The following PIH1D2 variants were observed in gnomAD, a reference collection of about 807,000 sequenced individuals.
PIH1D2 encodes the protein PIH1 domain-containing protein 2.
PIH1D2 carries 25 observed loss-of-function variants against 31.2 expected under a neutral mutation model. That is an observed-to-expected ratio of 0.80 (90% confidence interval 0.58 to 1.12). The LOEUF is 1.12. PIH1D2 is among the 50% of genes most tolerant of loss of function. PIH1D2 has a pLI of 0.00. For missense variants in PIH1D2, 310 were observed against 356.6 expected, an observed-to-expected ratio of 0.87 and a Z score of 1.05; for synonymous variants, 116 against 119.9, an observed-to-expected ratio of 0.97 and a Z score of 0.21.
Position 112,071,757 on chromosome 11 carries a change from T to G in PIH1D2, c.179A>C (p.Lys60Thr). The change falls in exon 3 of 6, where the codon AAA becomes ACA. Residue 60 changes from lysine (K) to threonine (T), a missense_variant and splice_region_variant. Physicochemically the swap from Lys to Thr is moderately conservative, Grantham distance 78. Coordinates refer to ENST00000280350, the MANE Select transcript of PIH1D2 (RefSeq NM_138789.4). ...GATAAAAAGTATTTTTTCTTTTGGT[T>G]TCTGGAAAGCAAATAATTTTGCACA... ...PQLCLQTRIL[K>T]PKEKILFINL... 1.2e-6 allele frequency: 2 copies of G among 1,614,104 alleles called. No homozygotes were observed.
chr11:112,056,675 C>T, the PIH1D2 span, among the ~76,000 whole-genome samples: 2 of 152,108 alleles, frequency 1.3e-5, no homozygotes, highest in Admixed American at 1.3e-4. Context: ...TTTTATTTCT[C>T]TTCAGTAGAT....
At chr11:112,068,026 G>A (rs782311658) in intron 5 of PIH1D2, 21 bp from the exon 6 acceptor site, 1 of 1,484,580 alleles carries the variant, frequency 6.7e-7, no homozygotes, top group Admixed American at 1.9e-5. Flanking sequence ...TAAACCAAGA[G>A]ATTTATTTCC....
downstream of PIH1D2, among the ~76,000 whole-genome samples, chr11:112,066,675 T>C (rs1400950912): frequency 1.3e-5 from 2 of 151,794 alleles, no homozygotes; most frequent in African/African-American, 4.8e-5. Context: ...GCTGTTACTA[T>C]GTCATTGTAT....
chr11:112,066,856 A>G (rs1555183900), downstream of PIH1D2, among the ~76,000 whole-genome samples: 5 of 151,720 alleles, frequency 3.3e-5, no homozygotes, highest in Non-Finnish European at 7.4e-5. Context: ...TGAGGTCAGG[A>G]GTTCAAGACC....
Position 112,071,040 on chromosome 11 carries a change from C to A in PIH1D2, c.545G>T (p.Arg182Met). Residue 182 changes from arginine to methionine, a missense_variant and splice_region_variant, in exon 4 of 6, where the codon AGG (arginine) becomes ATG (methionine). Transcript: ENST00000280350. ...TCCATTTACAATCATCAACTTACCCCTTCTCATTTTTTCTCTTAAATCTAT... is the reference window on the plus strand; with the variant it reads ...TCCATTTACAATCATCAACTTACCCATTCTCATTTTTTCTCTTAAATCTAT... ...DSIDLREKMR[R>M]ELTLGQIRSS... 6.2e-7 allele frequency: 1 copy of A among 1,611,780 alleles called. No individual in the cohort carries two copies. Among genetic ancestry groups the A allele is most frequent in the East Asian group, 2.2e-5 (1 of 44,804 alleles).
intron 5 of PIH1D2, chr11:112,070,124 G>A (rs1372574865): frequency 7.7e-6 from 4 of 520,458 alleles, no homozygotes; most frequent in East Asian, 3.1e-5. Flanking sequence ...GTGACTGTGA[G>A]AATACACTTC....
Position 112,070,624 on chromosome 11 carries a change from G to C in PIH1D2, c.625C>G (p.Gln209Glu). The change falls in exon 5 of 6, where the codon CAA becomes GAA. Residue 209 changes from glutamine to glutamate, a missense_variant. Gln to Glu is a conservative substitution (Grantham distance 29). Coordinates refer to ENST00000280350, the MANE Select transcript of PIH1D2 (RefSeq NM_138789.4). ...AGACACACTGCTTTGCCTGAAACTT[G>C]GTCTTTTGGCAGTAACAGTTGAGGA... ...HFPQLLLPKD[Q>E]VSGKAVCLIE... 1.2e-6 allele frequency: 2 copies of C among 1,614,048 alleles called. No homozygotes were observed. The highest frequency in any genetic ancestry group is 1.7e-6 in the Non-Finnish European group (2 of 1,180,002).
At chr11:112,067,362 A>G (rs1479537920), downstream of PIH1D2, among the ~76,000 whole-genome samples, 2 of 151,610 alleles carry the variant, frequency 1.3e-5, no homozygotes, top group African/African-American at 4.8e-5. Context: ...AGAAGAAGTG[A>G]GTTAAAAAAT....
At chr11:112,062,453 G>A (rs782250226), downstream of PIH1D2, 2 of 1,612,686 alleles carry the variant, frequency 1.2e-6, no homozygotes, top group African/African-American at 1.3e-5. Context: ...TGTGATCACC[G>A]GGTGGTGGAT....
At position 112,072,993 on chromosome 11, in the gene PIH1D2, C is replaced by T; in HGVS notation, c.177+5G>A. 6.3e-7 allele frequency: 1 copy of T among 1,596,148 alleles called. No homozygotes were observed. Among genetic ancestry groups the T allele is most frequent in the Non-Finnish European group, 8.6e-7 (1 of 1,168,172 alleles). ...CTCCCCATCCCTGGCACCAACTCGACATACCAGAATCCTGGTCTGTAGACA... is the reference window on the plus strand; with the variant it reads ...CTCCCCATCCCTGGCACCAACTCGATATACCAGAATCCTGGTCTGTAGACA... On this transcript the variant is annotated splice_donor_5th_base_variant and intron_variant, in intron 2 of 5. Transcript: ENST00000280350.
chr11:112,067,445 C>G (rs1864957964), downstream of PIH1D2, among the ~76,000 whole-genome samples: 2 of 150,776 alleles, frequency 1.3e-5, no homozygotes, highest in African/African-American at 4.9e-5. Context: ...AGGTGGATCA[C>G]CTGAGGTCAG....
chr11:112,068,993 TTTTTG>T (rs1865025103), intron 5 of PIH1D2, among the ~76,000 whole-genome samples: 1 of 146,930 alleles, frequency 6.8e-6, no homozygotes, highest in African/African-American at 2.6e-5. Context: ...TTTTTTTTTT[TTTTTG>T]TTTTTTTTTT....
At chr11:112,068,346 G>A (rs587727898) in intron 5 of PIH1D2, among the ~76,000 whole-genome samples, 1 of 152,318 alleles carries the variant, frequency 6.6e-6, no homozygotes, top group African/African-American at 2.4e-5. Flanking sequence ...TAATTTGGAT[G>A]ATAAATACTC....
the PIH1D2 span, among the ~76,000 whole-genome samples, chr11:112,057,047 G>A: frequency 0.79 from 120,648 of 152,160 alleles, 48,674 homozygotes; most frequent in African/African-American, 0.95. Flanking sequence ...CTTTATTATT[G>A]TATCTGTTAT....
chr11:112,055,734 T>G, the PIH1D2 span, among the ~76,000 whole-genome samples: 1 of 151,882 alleles, frequency 6.6e-6, no homozygotes, highest in Non-Finnish European at 1.5e-5. Flanking sequence ...GCAGCAAACA[T>G]TCAAGGAATT....
the PIH1D2 span, among the ~76,000 whole-genome samples, chr11:112,055,402 C>T: frequency 7.9e-5 from 12 of 151,936 alleles, no homozygotes; most frequent in Non-Finnish European, 1.5e-5. Flanking sequence ...CACCACCACG[C>T]CCGGCTAATT....
chr11:112,059,474 C>T (rs1424996827), downstream of PIH1D2, among the ~76,000 whole-genome samples: 5 of 151,846 alleles, frequency 3.3e-5, no homozygotes, highest in Non-Finnish European at 7.4e-5. Flanking sequence ...CTCACTGCAA[C>T]CTCCACCTCC....
At chr11:112,062,277 A>G (rs1555183340), downstream of PIH1D2, 4 of 976,074 alleles carry the variant, frequency 4.1e-6, no homozygotes, top group Non-Finnish European at 6.2e-6. Flanking sequence ...AAGGTATAGG[A>G]GACTGGAAGA....
At chr11:112,058,295 ATACCTTGGC>A (rs1373933909), downstream of PIH1D2, among the ~76,000 whole-genome samples, 1 of 152,220 alleles carries the variant, frequency 6.6e-6, no homozygotes, top group Admixed American at 6.5e-5. Context: ...TTGCTGTGTG[ATACCTTGGC>A]TACAGTTCTG....
Sources: gnomAD v4.1 joint callset for allele counts (sites outside exome capture counted in the v4.1 genomes callset) on GRCh38, gnomAD v4.1.1 for gene constraint, MANE v1.5 for transcripts, NCBI Gene and HGNC (gene_info 2026-07-23, HGNC 2026-07-21) for gene names.